The following NSUN6 variants were observed in gnomAD, a reference collection of about 807,000 sequenced individuals.
The protein encoded by NSUN6 is NOP2/Sun RNA methyltransferase 6, also known as tRNA (cytosine(72)-C(5))-methyltransferase NSUN6.
Under a neutral mutation model 58.0 loss-of-function variants are expected in NSUN6, and 64 were observed. The observed-to-expected ratio is 1.10, with a 90% CI of 0.90 to 1.36. NSUN6 has a LOEUF of 1.36. Among genes scored for constraint, NSUN6 ranks in the 40% most tolerant of loss-of-function variants. The pLI is 0.00. For synonymous variants in NSUN6, 231 were observed against 193.9 expected (o/e 1.19, Z -1.59); for missense variants, 701 against 550.1 (o/e 1.27, Z -2.74).
chr10:18,570,638 C>T (rs1242661991), intron 8 of NSUN6, among the ~76,000 whole-genome samples: 1 of 148,770 alleles, frequency 6.7e-6, no homozygotes. Context: ...CCATTCCATT[C>T]TCCATACCAT....
chr10:18,586,170 AG>A, intron 7 of NSUN6, 77 bp from the exon 8 acceptor site: 1 of 1,195,536 alleles, frequency 8.4e-7, no homozygotes, highest in Non-Finnish European at 1.1e-6. Flanking sequence ...AAAAATAATG[AG>A]AAAAACATGA....
chr10:18,573,717 T>A (rs552775900), intron 8 of NSUN6, among the ~76,000 whole-genome samples: 12 of 152,160 alleles, frequency 7.9e-5, no homozygotes, highest in African/African-American at 2.9e-4. Context: ...TTGCTACGAG[T>A]CTCAAAAAGA....
intron 6 of NSUN6, among the ~76,000 whole-genome samples, chr10:18,607,510 T>C (rs2058087065): frequency 6.6e-6 from 1 of 152,156 alleles, no homozygotes; most frequent in Non-Finnish European, 1.5e-5. Context: ...GAAAAGGAAG[T>C]TATAACACAA....
chr10:18,581,063 T>C (rs2056882384), intron 8 of NSUN6, among the ~76,000 whole-genome samples: 1 of 152,170 alleles, frequency 6.6e-6, no homozygotes, highest in South Asian at 2.1e-4. Flanking sequence ...GACATACTTC[T>C]GGGGTCTGGC....
rs1217651644 is a variant in NSUN6 at position 18,651,552 on chromosome 10, G to C, written c.-349C>G. On this transcript the variant is annotated 5_prime_UTR_variant, in exon 1 of 11. Transcript: ENST00000377304. The stretch of plus-strand genomic sequence containing the variant: ...GAAACGGACGCAGATCAGTAAGCCA[G>C]GCTGACAGCAGCTCGGTCCCTTTAT... 2 of 1,008,610 alleles carry C rather than the reference G, an allele frequency of 2.0e-6. No homozygotes were observed. Among genetic ancestry groups the C allele is most frequent in the South Asian group, 4.5e-5 (1 of 21,992 alleles). 62.5% of individuals were successfully genotyped at this position (1,008,610 alleles called of 1,614,324 possible). A position where few individuals can be genotyped will look rare whatever the true frequency, so the allele number is the denominator to read the frequency against.
rs1177099236 is a variant in NSUN6 at position 18,553,242 on chromosome 10, C to T, written c.923-1271G>A. ...TTCCATGCTCCATTCGATTCCATTT[C>T]ATTCTCCATTCCATTCCATCCTCCA... is the stretch of plus-strand genomic sequence containing the variant. On this transcript the variant is annotated intron_variant, in intron 8 of 10. Coordinates refer to ENST00000377304, the MANE Select transcript of NSUN6 (RefSeq NM_182543.5). Among the ~76,000 whole-genome samples, 4 of 151,786 alleles carry T rather than the reference C, an allele frequency of 2.6e-5. No individual in the cohort carries two copies. The East Asian group carries it at 5.9e-4, about 22-fold the overall frequency.
At chr10:18,639,778 A>G (rs1411911069) in intron 3 of NSUN6, among the ~76,000 whole-genome samples, 2 of 152,208 alleles carry the variant, frequency 1.3e-5, no homozygotes, top group Non-Finnish European at 2.9e-5. Context: ...TATTTTAGAG[A>G]CCTAAAATAG....
chr10:18,556,425 G>C (rs1204329563), intron 8 of NSUN6, among the ~76,000 whole-genome samples: 1 of 151,232 alleles, frequency 6.6e-6, no homozygotes, highest in Non-Finnish European at 1.5e-5. Context: ...GAATGGAATG[G>C]AGAACTGAAT....
intron 8 of NSUN6, among the ~76,000 whole-genome samples, chr10:18,553,443 CGA>C (rs2054748245): frequency 1.5e-5 from 2 of 136,680 alleles, no homozygotes; most frequent in African/African-American, 2.8e-5. Context: ...GAATGGAATG[CGA>C]AATGGAATGG....
chr10:18,637,748 C>G (rs2059265315), intron 3 of NSUN6, among the ~76,000 whole-genome samples: 1 of 152,176 alleles, frequency 6.6e-6, no homozygotes, highest in Admixed American at 6.5e-5. Flanking sequence ...AAAATTTAAA[C>G]TGAGCTAAAT....
chr10:18,657,991 A>C (rs973573177), upstream of NSUN6, among the ~76,000 whole-genome samples: 1 of 152,198 alleles, frequency 6.6e-6, no homozygotes, highest in Non-Finnish European at 1.5e-5. Flanking sequence ...AGAAAAAAAA[A>C]AAAAAAGCAG....
At chr10:18,616,480 T>C (rs370788331) in intron 3 of NSUN6, among the ~76,000 whole-genome samples, 187 bp from the exon 4 acceptor site, 8 of 152,154 alleles carry the variant, frequency 5.3e-5, no homozygotes, top group African/African-American at 1.7e-4. Flanking sequence ...GATGGGCACT[T>C]GAGAGGAAGA....
In NSUN6 at chr10:18,649,313, A is replaced by T. The variant is rs918632515; in HGVS notation, c.76-668T>A. On this transcript the variant is annotated intron_variant, in intron 1 of 10. Transcript: ENST00000377304. Reference sequence around the variant, plus strand: ...AAGAAACGTATTTCTTTGTCTTCCTATTTGACTAAACCCTGCTTTACAGAA... The same window carrying T: ...AAGAAACGTATTTCTTTGTCTTCCTTTTTGACTAAACCCTGCTTTACAGAA... 1.3e-3 allele frequency among the ~76,000 whole-genome samples: 200 copies of T among 152,168 alleles called. 1 individual carries two copies. Among genetic ancestry groups the T allele is most frequent in the Non-Finnish European group, 2.5e-4 (17 of 68,022 alleles).
intron 8 of NSUN6, among the ~76,000 whole-genome samples, chr10:18,567,131 A>T (rs114934428): frequency 0.014 from 2,112 of 149,568 alleles, 48 homozygotes; most frequent in African/African-American, 0.049. Flanking sequence ...TCACCACTGC[A>T]TTCCATTCCA....
chr10:18,587,087 T>A (rs2057182972), intron 7 of NSUN6, among the ~76,000 whole-genome samples: 2 of 152,272 alleles, frequency 1.3e-5, no homozygotes, highest in South Asian at 4.1e-4. Context: ...AGAAAAATAA[T>A]CTTATAATAA....
chr10:18,608,371 T>A (rs1405191362), intron 6 of NSUN6, among the ~76,000 whole-genome samples: 2 of 152,136 alleles, frequency 1.3e-5, no homozygotes, highest in East Asian at 3.9e-4. Context: ...CATGGTGGCT[T>A]ATGCCTGTAA....
chr10:18,625,720 TAAAAAAAAAAAAAAAAAAAA>T (rs71402188), intron 3 of NSUN6, among the ~76,000 whole-genome samples: 1 of 53,808 alleles, frequency 1.9e-5, no homozygotes, highest in South Asian at 9.0e-4. Flanking sequence ...GTTTTTTTTT[TAAAAAAAAAAAAAAAAAAAA>T]AAAAAAAAGA....
At chr10:18,627,699 C>G (rs922407267) in intron 3 of NSUN6, among the ~76,000 whole-genome samples, 25 of 152,236 alleles carry the variant, frequency 1.6e-4, no homozygotes, top group African/African-American at 6.0e-4. Context: ...CCGCGCTTTT[C>G]CGATTGGCTT....
chr10:18,571,321 C>G (rs1241761352), intron 8 of NSUN6, among the ~76,000 whole-genome samples: 1 of 149,368 alleles, frequency 6.7e-6, no homozygotes, highest in African/African-American at 2.5e-5. Context: ...CCCTTCTTTT[C>G]TCCATTCCAT....
Sources: allele counts gnomAD v4.1 joint callset (sites outside exome capture counted in the v4.1 genomes callset), GRCh38; gene constraint gnomAD v4.1.1; transcripts MANE v1.5; gene names NCBI Gene and HGNC (gene_info 2026-07-23, HGNC 2026-07-21).